AKAP9: variants seen among roughly 807,000 people sequenced by gnomAD.
The protein encoded by AKAP9 is A-kinase anchoring protein 9.
In AKAP9, 311 loss-of-function variants were observed where a neutral mutation model predicts 488.5. That is an observed-to-expected ratio of 0.64 (90% CI 0.58 to 0.70). The LOEUF (loss-of-function observed/expected upper bound fraction) is 0.70. Among genes scored for constraint, AKAP9 ranks in the 30% least tolerant of loss-of-function variants. The probability of loss-of-function intolerance (pLI) is 0.00; values close to 1 mark genes in which losing one functional copy is unlikely to be tolerated. For synonymous variants in AKAP9, 1,462 were observed against 1,483.5 expected (o/e 0.99, Z 0.33); for missense variants, 4,215 against 4,374.5 (o/e 0.96, Z 1.03).
chr7:92,067,718 A>G lies in AKAP9; in HGVS notation c.6330+1172A>G, dbSNP rs149734827. ...GGATTCACTGTATGAATACCTAAAG[A>G]TGGCTTGTCATGGTGATAAAGACAT... On this transcript the variant is annotated intron_variant, in intron 26 of 49. Transcript: ENST00000356239. 4.8e-4 allele frequency among the ~76,000 whole-genome samples: 73 copies of G among 152,310 alleles called. 1 individual carries two copies. The highest frequency in any genetic ancestry group is 1.7e-3 in the African/African-American group (72 of 41,574).
At chr7:91,959,295 TAC>T (rs1793429866) in intron 1 of AKAP9, among the ~76,000 whole-genome samples, 2 of 152,022 alleles carry the variant, frequency 1.3e-5, no homozygotes, top group Admixed American at 1.3e-4. Flanking sequence ...ATTTTATTAT[TAC>T]TACTATTTTT....
At chr7:91,966,031 T>C (rs1446069533) in intron 1 of AKAP9, among the ~76,000 whole-genome samples, 2 of 152,202 alleles carry the variant, frequency 1.3e-5, no homozygotes, top group Non-Finnish European at 2.9e-5. Context: ...CAGAAACTTT[T>C]TAGCTTTAAA....
At chr7:91,985,682 C>CT (rs1352969611) in intron 3 of AKAP9, among the ~76,000 whole-genome samples, 1 of 152,064 alleles carries the variant, frequency 6.6e-6, no homozygotes, top group Admixed American at 6.6e-5. Flanking sequence ...GAGTCTCACT[C>CT]TTTCGCCCAG....
At chr7:92,058,033 T>C (rs1809093121) in intron 22 of AKAP9, 1 of 328,178 alleles carries the variant, frequency 3.0e-6, no homozygotes, top group Admixed American at 4.5e-5. Context: ...ATTAATTTTA[T>C]AACATTTATT....
intron 1 of AKAP9, among the ~76,000 whole-genome samples, chr7:91,963,043 C>A (rs1439590682): frequency 2.0e-5 from 3 of 152,108 alleles, no homozygotes; most frequent in Admixed American, 6.6e-5. Flanking sequence ...GCATAAATAT[C>A]AAAAATGCTA....
chr7:92,096,955 T>C lies in AKAP9; in HGVS notation c.9996T>C (p.Thr3332=). The change falls in exon 41 of 50, where the codon ACT becomes ACC. Residue 3332 remains threonine (T), a synonymous_variant. Coordinates refer to ENST00000356239, the MANE Select transcript of AKAP9 (RefSeq NM_005751.5). ...LHAQLQSSDG[T]GQSRPPLPSE... Reference sequence around the variant, plus strand: ...CACAGCTGCAGAGCAGTGATGGTACTGGACAGTCTCGGCCACCCTTGCCCT... The same window carrying C: ...CACAGCTGCAGAGCAGTGATGGTACCGGACAGTCTCGGCCACCCTTGCCCT... 2 of 1,614,190 alleles carry C rather than the reference T, an allele frequency of 1.2e-6. No individual in the cohort carries two copies. The highest frequency in any genetic ancestry group is 1.7e-6 in the Non-Finnish European group (2 of 1,180,008).
chr7:92,100,081 C>T (rs1361104083), intron 44 of AKAP9: 1 of 486,124 alleles, frequency 2.1e-6, no homozygotes, highest in African/African-American at 2.0e-5. Context: ...GTACTCGACT[C>T]TGGGTTGTAT....
chr7:91,962,496 T>C (rs970883458), intron 1 of AKAP9, among the ~76,000 whole-genome samples: 2 of 152,158 alleles, frequency 1.3e-5, no homozygotes, highest in Non-Finnish European at 2.9e-5. Flanking sequence ...TCTTGTGAAG[T>C]GGTGCTTGAA....
intron 21 of AKAP9, among the ~76,000 whole-genome samples, chr7:92,050,340 C>T (rs1449702589): frequency 4.6e-5 from 7 of 152,084 alleles, no homozygotes; most frequent in African/African-American, 1.4e-4. Flanking sequence ...CGTGATCCAC[C>T]TGCCTCGGCC....
chr7:92,076,893 A>C lies in AKAP9; in HGVS notation c.6651A>C (p.Glu2217Asp). 1 of 1,508,862 alleles carries C rather than the reference A, an allele frequency of 6.6e-7. No homozygotes were observed. The highest frequency in any genetic ancestry group is 9.1e-7 in the Non-Finnish European group (1 of 1,100,460). The allele number at this position is 1,508,862 out of a possible 1,614,324, so 93.5% of individuals were successfully genotyped here. ...NLEEQLEQFR[E>D]ELENKNEEVQ... ...AAGAGCAATTAGAACAGTTTAGAGA[A>C]GAACTGGAAAATAAGAATGAAGAAG... Residue 2217 changes from glutamate (E) to aspartate (D), a missense_variant, in exon 29 of 50, where the codon GAA becomes GAC. Transcript: ENST00000356239.
In AKAP9 at chr7:92,085,669, C is replaced by A; in HGVS notation, c.9007C>A (p.Leu3003Met). The A allele has an allele frequency of 1.2e-6, 2 of 1,612,800 alleles. No individual in the cohort carries two copies. The highest frequency in any genetic ancestry group is 1.7e-6 in the Non-Finnish European group (2 of 1,179,542). ...AAAGGATTTAATTACAAAGATGCAA[C>A]TGCAAAGAGAAGCCGAGGTAACCAA... Reference protein sequence around the residue: ...SLKDLITKMQLQREAEVYDSS... With the variant: ...SLKDLITKMQMQREAEVYDSS... The change falls in exon 36 of 50, where the codon CTG (leucine) becomes ATG (methionine). Residue 3003 changes from leucine (L) to methionine (M), a missense_variant. By Grantham distance (15) the Leu-to-Met change is conservative. Transcript: ENST00000356239.
At chr7:92,031,903 G>T (rs1804318276) in intron 16 of AKAP9, among the ~76,000 whole-genome samples, 3 of 152,234 alleles carry the variant, frequency 2.0e-5, no homozygotes. Flanking sequence ...TTGGGAAGAA[G>T]ATAGGAAAAG....
intron 2 of AKAP9, among the ~76,000 whole-genome samples, chr7:91,977,260 A>G (rs2130576314): frequency 1.3e-5 from 2 of 151,944 alleles, no homozygotes; most frequent in South Asian, 4.2e-4. Context: ...ATCCTGTCTC[A>G]AAAAACAACA....
intron 8 of AKAP9, among the ~76,000 whole-genome samples, chr7:92,004,478 C>G (rs1003790757): frequency 6.6e-6 from 1 of 152,118 alleles, no homozygotes; most frequent in African/African-American, 2.4e-5. Flanking sequence ...TTGTTTGTAT[C>G]CTCTTTTATT....
intron 1 of AKAP9, among the ~76,000 whole-genome samples, chr7:91,949,020 G>A (rs1270081665): frequency 6.6e-6 from 1 of 152,112 alleles, no homozygotes; most frequent in Non-Finnish European, 1.5e-5. Flanking sequence ...CAAAGTGCTG[G>A]GATTACAGGC....
intron 1 of AKAP9, among the ~76,000 whole-genome samples, chr7:91,944,963 C>T (rs1791263458): frequency 6.6e-6 from 1 of 152,224 alleles, no homozygotes; most frequent in Non-Finnish European, 1.5e-5. Context: ...CATGCTCTTA[C>T]TCCTCATCTG....
intron 48 of AKAP9, 77 bp downstream of exon 48, chr7:92,107,499 C>G: frequency 7.3e-7 from 1 of 1,363,862 alleles, no homozygotes; most frequent in Non-Finnish European, 1.0e-6. Flanking sequence ...ATTTTTAGGG[C>G]TTTGACTTCT....
Position 92,003,140 on chromosome 7 carries a change from T to C in AKAP9, c.3223T>C (p.Leu1075=), listed in dbSNP as rs143712699. ...GCAAGAACAGTTGATTTTGGATCACTTACCATCTGTAACAAAGGAATCATC... is the reference window on the plus strand; with the variant it reads ...GCAAGAACAGTTGATTTTGGATCACCTACCATCTGTAACAAAGGAATCATC... ...SKQEQLILDH[L]PSVTKESSLR... is the part of the protein sequence containing the mutation. Residue 1075 remains leucine (L), a synonymous_variant, in exon 8 of 50, where the codon TTA becomes CTA. Coordinates refer to ENST00000356239, the MANE Select transcript of AKAP9 (RefSeq NM_005751.5). 1.1e-3 allele frequency: 1,727 copies of C among 1,611,362 alleles called. No homozygotes were observed. The highest frequency in any genetic ancestry group is 1.3e-3 in the Non-Finnish European group (1,518 of 1,178,700).
chr7:92,042,833 G>A, intron 20 of AKAP9, 62 bp downstream of exon 20: 5 of 1,129,402 alleles, frequency 4.4e-6, no homozygotes, highest in Non-Finnish European at 6.7e-6. Context: ...CAATGTAATA[G>A]ACTTTGTCCT....
Sources: allele counts gnomAD v4.1 joint callset (sites outside exome capture counted in the v4.1 genomes callset), GRCh38; gene constraint gnomAD v4.1.1; transcripts MANE v1.5; gene names NCBI Gene and HGNC (gene_info 2026-07-23, HGNC 2026-07-21).